The following ARNT2 variants were observed in gnomAD, a reference collection of about 807,000 sequenced individuals.
ARNT2 encodes aryl hydrocarbon receptor nuclear translocator 2, also known as ARNT protein 2.
In ARNT2, 36 loss-of-function variants were observed where a neutral mutation model predicts 91.7. The observed-to-expected ratio is 0.39, with a 90% CI of 0.30 to 0.52. The LOEUF (loss-of-function observed/expected upper bound fraction) is 0.52. ARNT2 is among the 20% of genes least tolerant of loss of function. The pLI is 0.72. For synonymous variants in ARNT2, 365 were observed against 347.1 expected (o/e 1.05, Z -0.57); for missense variants, 775 against 939.3 (o/e 0.83, Z 2.29).
At chr15:80,528,530 C>A (rs989867189) in intron 8 of ARNT2, among the ~76,000 whole-genome samples, 1 of 152,088 alleles carries the variant, frequency 6.6e-6, no homozygotes, top group Non-Finnish European at 1.5e-5. Context: ...TGCCCCACAA[C>A]CTCATGTTGA....
At position 80,495,307 on chromosome 15, in the gene ARNT2, T is replaced by C. The variant is rs140147816; in HGVS notation, c.623-12849T>C. Among the ~76,000 whole-genome samples, 210 of 152,320 alleles carry C rather than the reference T, an allele frequency of 1.4e-3. 2 individuals are homozygous for C. In the East Asian group the frequency reaches 0.015, roughly 11 times the overall value. On this transcript the variant is annotated intron_variant, in intron 5 of 18. Transcript: ENST00000303329. ...CATTATTGTTGCTGCCAACTCTTCA[T>C]TCTTCCCAGTACACTCTTTGTGTAC...
chr15:80,501,180 G>C (rs1272224838), intron 5 of ARNT2, among the ~76,000 whole-genome samples: 3 of 152,242 alleles, frequency 2.0e-5, no homozygotes, highest in African/African-American at 7.2e-5. Context: ...TTGTTTGTAT[G>C]TACATGTTCA....
chr15:80,520,544 T>C (rs1416903144), intron 8 of ARNT2, among the ~76,000 whole-genome samples: 11 of 97,032 alleles, frequency 1.1e-4, no homozygotes, highest in Admixed American at 7.6e-4. Context: ...AGATCTCATG[T>C]TGTGTTCTTA....
intron 10 of ARNT2, 67 bp from the exon 11 acceptor site, chr15:80,554,998 A>G: frequency 6.8e-7 from 1 of 1,478,044 alleles, no homozygotes; most frequent in South Asian, 1.1e-5. Flanking sequence ...ACACTGTTGT[A>G]TCACAGTGAG....
At chr15:80,442,946 C>A (rs1467018040) in intron 1 of ARNT2, 2 of 985,314 alleles carry the variant, frequency 2.0e-6, no homozygotes, top group Non-Finnish European at 2.4e-6. Flanking sequence ...GGCGTGCCCT[C>A]CTTGCGGCTC....
intron 8 of ARNT2, among the ~76,000 whole-genome samples, chr15:80,547,841 T>C: frequency 6.6e-6 from 1 of 152,184 alleles, no homozygotes; most frequent in South Asian, 2.1e-4. Flanking sequence ...TTAGAAGGTC[T>C]GTATAATACG....
chr15:80,411,925 C>T (rs1895685774), intron 1 of ARNT2, among the ~76,000 whole-genome samples: 6 of 152,216 alleles, frequency 3.9e-5, no homozygotes, highest in Admixed American at 3.9e-4. Context: ...TGGGATCCTC[C>T]CATTTACTGC....
intron 17 of ARNT2, among the ~76,000 whole-genome samples, chr15:80,584,377 G>A (rs551172708): frequency 6.6e-6 from 1 of 152,278 alleles, no homozygotes; most frequent in South Asian, 2.1e-4. Context: ...TGGGAGAAGA[G>A]GGCAGGCTTT....
chr15:80,532,084 C>T (rs1313137482), intron 8 of ARNT2, among the ~76,000 whole-genome samples: 3 of 152,192 alleles, frequency 2.0e-5, no homozygotes, highest in Admixed American at 2.0e-4. Flanking sequence ...AGGCTAAATG[C>T]TTAATGTGTA....
At chr15:80,471,561 CA>C (rs1369061988) in intron 4 of ARNT2, among the ~76,000 whole-genome samples, 4 of 152,172 alleles carry the variant, frequency 2.6e-5, no homozygotes, top group Non-Finnish European at 5.9e-5. Context: ...ACAGTGATGG[CA>C]GCAGTAGTGA....
intron 1 of ARNT2, among the ~76,000 whole-genome samples, chr15:80,447,326 A>T (rs548093962): frequency 6.6e-6 from 1 of 152,296 alleles, no homozygotes; most frequent in Non-Finnish European, 1.5e-5. Context: ...GGCTCTACTC[A>T]TGAATACCCA....
chr15:80,526,087 C>T (rs1008746653), intron 8 of ARNT2, among the ~76,000 whole-genome samples: 3 of 152,172 alleles, frequency 2.0e-5, no homozygotes, highest in Non-Finnish European at 2.9e-5. Flanking sequence ...TCCTCCCTGC[C>T]GACTCCCTGT....
chr15:80,590,863 C>T lies in ARNT2; in HGVS notation c.1919-705C>T, dbSNP rs1411069785. Among the ~76,000 whole-genome samples the T allele has an allele frequency of 2.0e-5, 3 of 152,218 alleles. No homozygotes were observed. The East Asian group carries it at 5.8e-4, about 29-fold the overall frequency. On this transcript the variant is annotated intron_variant, in intron 17 of 18. Coordinates refer to ENST00000303329, the MANE Select transcript of ARNT2 (RefSeq NM_014862.4). ...TCATTTATAAATGAATTTGCTGATT[C>T]CCACAGAGGAACCTTATCTTGTCTG...
intron 5 of ARNT2, among the ~76,000 whole-genome samples, chr15:80,477,941 A>C (rs1379163689): frequency 6.6e-6 from 1 of 152,198 alleles, no homozygotes; most frequent in Non-Finnish European, 1.5e-5. Flanking sequence ...AAGGAGGAAG[A>C]GGATAGAGAA....
rs7179983 is a variant in ARNT2 at position 80,486,105 on chromosome 15, G to T, written c.622+10882G>T. On this transcript the variant is annotated intron_variant, in intron 5 of 18. Coordinates refer to ENST00000303329, the MANE Select transcript of ARNT2 (RefSeq NM_014862.4). ...TAGCTGACAGTCCTTGCCATTCCTTGTAGACACATCGGTCCAATCTCTGTC... is the reference window on the plus strand; with the variant it reads ...TAGCTGACAGTCCTTGCCATTCCTTTTAGACACATCGGTCCAATCTCTGTC... 2.6e-5 allele frequency among the ~76,000 whole-genome samples: 4 copies of T among 152,180 alleles called. No homozygotes were observed. In the East Asian group the frequency reaches 7.7e-4, roughly 29 times the overall value.
intron 3 of ARNT2, 43 bp downstream of exon 3, chr15:80,458,019 C>A: frequency 6.4e-7 from 1 of 1,565,320 alleles, no homozygotes; most frequent in Non-Finnish European, 8.8e-7. Context: ...AAGGCAATAG[C>A]CAGCATTCAC....
chr15:80,573,113 C>T (rs1898612877), intron 12 of ARNT2, among the ~76,000 whole-genome samples: 1 of 152,246 alleles, frequency 6.6e-6, no homozygotes, highest in South Asian at 2.1e-4. Flanking sequence ...GTGCCATGCA[C>T]ACTTCCCCAA....
rs1898402452 is a variant in ARNT2, at chr15:80,563,192, C to G, written c.1269C>G (p.Pro423=). The G allele has an allele frequency of 1.2e-6, 2 of 1,614,170 alleles. No individual in the cohort carries two copies. The highest frequency in any genetic ancestry group is 2.2e-5 in the South Asian group (2 of 91,078). The change falls in exon 12 of 19, where the codon CCC becomes CCG. Residue 423 remains proline, a synonymous_variant. Coordinates refer to ENST00000303329, the MANE Select transcript of ARNT2 (RefSeq NM_014862.4). ...CCAGCAGCTTCACATTCCAGAATCC[C>G]TATTCTGATGAGATTGAGTACATCA... The part of the protein sequence containing the change: ...IRTSSFTFQN[P]YSDEIEYIIC...
intron 17 of ARNT2, among the ~76,000 whole-genome samples, 198 bp downstream of exon 17, chr15:80,581,602 T>G (rs1228398106): frequency 6.6e-6 from 1 of 152,186 alleles, no homozygotes; most frequent in Non-Finnish European, 1.5e-5. Context: ...CTTGGCTTTG[T>G]GATTTGACTT....
Sources: gnomAD v4.1 joint callset for allele counts (sites outside exome capture counted in the v4.1 genomes callset) on GRCh38, gnomAD v4.1.1 for gene constraint, MANE v1.5 for transcripts, NCBI Gene and HGNC (gene_info 2026-07-23, HGNC 2026-07-21) for gene names.